Variants in DOP1B observed in about 807,000 individuals in gnomAD.
DOP1B encodes protein DOP1B.
Under a neutral mutation model 233.5 loss-of-function variants are expected in DOP1B, and 174 were observed. The ratio of observed to expected loss-of-function variants is 0.75; its 90% CI spans 0.66 to 0.85. The LOEUF is 0.85. Among genes scored for constraint, DOP1B ranks in the 40% least tolerant of loss-of-function variants. DOP1B has a pLI of 0.00. For synonymous variants in DOP1B, 1,190 were observed against 1,185.6 expected, an observed-to-expected ratio of 1.00 and a Z score of -0.08; for missense variants, 2,652 against 2,846.6, an observed-to-expected ratio of 0.93 and a Z score of 1.56.
chr21:36,259,800 A>C (rs1281324505), intron 23 of DOP1B, among the ~76,000 whole-genome samples: 1 of 152,218 alleles, frequency 6.6e-6, no homozygotes, highest in Non-Finnish European at 1.5e-5. Context: ...GCTATAAAGG[A>C]ACCGGATTTT....
chr21:36,271,835 A>C (rs536421652), intron 27 of DOP1B, among the ~76,000 whole-genome samples: 3 of 150,638 alleles, frequency 2.0e-5, no homozygotes, highest in African/African-American at 7.5e-5. Context: ...CTATGGAAAG[A>C]GAATTTAGCA....
rs760981613 is a variant in DOP1B at position 36,263,590 on chromosome 21, G to A, written c.5360G>A (p.Gly1787Glu). ...ALQENFSSLLGVLKESVQLNL... is the reference protein window; with the variant it reads ...ALQENFSSLLEVLKESVQLNL... The stretch of plus-strand genomic sequence containing the variant: ...CAAGAGAACTTTTCTTCACTGTTGG[G>A]AGTATTGAAAGAGTCTGTACAGTTG... The change falls in exon 25 of 37, where the codon GGA becomes GAA. Residue 1787 changes from glycine (G) to glutamate (E), a missense_variant. By Grantham distance (98) the Gly-to-Glu change is moderately conservative (BLOSUM62 -2). Coordinates refer to ENST00000691173, the MANE Select transcript of DOP1B (RefSeq NM_001320714.2). The A allele has an allele frequency of 3.1e-6, 5 of 1,614,064 alleles. No homozygotes were observed. The highest frequency in any genetic ancestry group is 1.6e-4 in the Middle Eastern group (1 of 6,084).
chr21:36,204,133 A>G (rs1168551086), intron 4 of DOP1B, among the ~76,000 whole-genome samples: 1 of 152,110 alleles, frequency 6.6e-6, no homozygotes, highest in Non-Finnish European at 1.5e-5. Flanking sequence ...GGCTGTCACA[A>G]CTGGGGGTGG....
chr21:36,177,163 G>A (rs185905436), intron 2 of DOP1B, among the ~76,000 whole-genome samples: 109 of 152,202 alleles, frequency 7.2e-4, no homozygotes, highest in African/African-American at 2.2e-3. Flanking sequence ...CTTTGCTGTC[G>A]TTCTGTTGTG....
chr21:36,248,820 C>A (rs996319132), intron 21 of DOP1B, among the ~76,000 whole-genome samples: 1 of 152,134 alleles, frequency 6.6e-6, no homozygotes, highest in Non-Finnish European at 1.5e-5. Flanking sequence ...AAAATAAAGT[C>A]TTGGCCGGGC....
At chr21:36,247,462 T>A in intron 19 of DOP1B, 55 bp from the exon 20 acceptor site, 1 of 1,332,268 alleles carries the variant, frequency 7.5e-7, no homozygotes, top group Non-Finnish European at 1.0e-6. Context: ...TTAGAAACCC[T>A]TATGGCCTCA....
At position 36,231,019 on chromosome 21, in the gene DOP1B, A is replaced by C. The variant is rs762133091; in HGVS notation, c.2235A>C (p.Glu745Asp). 3.7e-6 allele frequency: 6 copies of C among 1,614,156 alleles called. No individual in the cohort carries two copies. The Admixed American group carries it at 1.0e-4, about 27-fold the overall frequency. The change falls in exon 14 of 37, where the codon GAA becomes GAC. Residue 745 changes from glutamate (E) to aspartate (D), a missense_variant. By Grantham distance (45) the Glu-to-Asp change is conservative. Around this residue, in one of 3 missense-constraint regions of DOP1B, gnomAD observed 2,617 missense variants for 2,794.3 expected, o/e 0.94. Coordinates refer to ENST00000691173, the MANE Select transcript of DOP1B (RefSeq NM_001320714.2). ...VVIDLGGSREERREAFAAACH... is the reference protein window; with the variant it reads ...VVIDLGGSREDRREAFAAACH... ...TTGACCTGGGGGGTTCCAGGGAGGAACGCAGGGAGGCCTTTGCCGCCGCCT... is the reference window on the plus strand; with the variant it reads ...TTGACCTGGGGGGTTCCAGGGAGGACCGCAGGGAGGCCTTTGCCGCCGCCT...
chr21:36,251,055 C>T, intron 21 of DOP1B, 107 bp from the exon 22 acceptor site: 7 of 1,435,256 alleles, frequency 4.9e-6, no homozygotes, highest in Non-Finnish European at 6.5e-6. Context: ...TGGGCACAAA[C>T]ATGACAGGGT....
chr21:36,211,504 G>T, intron 5 of DOP1B, 49 bp from the exon 6 acceptor site: 1 of 1,553,312 alleles, frequency 6.4e-7, no homozygotes, highest in South Asian at 1.1e-5. Flanking sequence ...TCGTTTTTAT[G>T]ACCATAAAGA....
chr21:36,231,191 C>T (rs1431625057), intron 14 of DOP1B, 57 bp downstream of exon 14: 13 of 1,523,064 alleles, frequency 8.5e-6, no homozygotes, highest in Non-Finnish European at 9.7e-6. Context: ...AGGCGATTGA[C>T]GTGGGTGGAA....
At chr21:36,212,641 A>G (rs766432711) in intron 7 of DOP1B, among the ~76,000 whole-genome samples, 1 of 152,232 alleles carries the variant, frequency 6.6e-6, no homozygotes, top group Non-Finnish European at 1.5e-5. Context: ...AAGGCCTCCC[A>G]GGGACAGAGC....
Position 36,219,478 on chromosome 21 carries a change from A to G in DOP1B, c.1236A>G (p.Gly412=), listed in dbSNP as rs2066600099. The change falls in exon 10 of 37, where the codon GGA becomes GGG. Residue 412 remains glycine, a synonymous_variant. Coordinates refer to ENST00000691173, the MANE Select transcript of DOP1B (RefSeq NM_001320714.2). ...SDLKLSYTQS[G]NSLISAIKEN... ...TTAAACTTAGCTACACCCAGAGTGG[A>G]AATTCGCTGATAAGGTATGGGTTTG... 6.2e-7 allele frequency: 1 copy of G among 1,614,124 alleles called. No individual in the cohort carries two copies.
chr21:36,169,298 T>C, intron 2 of DOP1B: 2 of 793,904 alleles, frequency 2.5e-6, no homozygotes, highest in South Asian at 2.7e-5. Context: ...CGGTTTGCTG[T>C]CCTCAGTAAG....
intron 12 of DOP1B, among the ~76,000 whole-genome samples, chr21:36,227,350 A>G (rs535700592): frequency 6.6e-6 from 1 of 151,968 alleles, no homozygotes; most frequent in Admixed American, 6.6e-5. Context: ...GATCGAGACC[A>G]TCCTGGCTAA....
At chr21:36,281,044 C>T (rs201794582) in intron 31 of DOP1B, among the ~76,000 whole-genome samples, 65 of 152,222 alleles carry the variant, frequency 4.3e-4, no homozygotes, top group African/African-American at 1.4e-3. Flanking sequence ...CAGTGGCTCA[C>T]GCCAATCCCA....
chr21:36,210,289 A>C (rs1215693085), intron 5 of DOP1B, among the ~76,000 whole-genome samples: 2 of 151,932 alleles, frequency 1.3e-5, no homozygotes, highest in African/African-American at 4.8e-5. Context: ...CAGGTGAATC[A>C]CTTGAGGTCA....
At chr21:36,191,784 CA>C (rs35895174) in intron 2 of DOP1B, among the ~76,000 whole-genome samples, 33,193 of 133,590 alleles carry the variant, frequency 0.25, 3,913 homozygotes, top group African/African-American at 0.34. Context: ...GACTCTGTCT[CA>C]AAAAAAAAAA....
intron 2 of DOP1B, among the ~76,000 whole-genome samples, chr21:36,172,163 G>A (rs546441245): frequency 6.6e-6 from 1 of 152,150 alleles, no homozygotes; most frequent in Admixed American, 6.5e-5. Flanking sequence ...ATACAGCAGG[G>A]TCAGGCCACT....
intron 24 of DOP1B, among the ~76,000 whole-genome samples, chr21:36,262,221 G>A (rs1003027141): frequency 7.2e-5 from 11 of 152,176 alleles, no homozygotes; most frequent in African/African-American, 2.7e-4. Flanking sequence ...CTGTGACAGC[G>A]AATATATATT....
Sources: gnomAD v4.1 joint callset for allele counts (sites outside exome capture counted in the v4.1 genomes callset) on GRCh38, gnomAD v4.1.1 for gene constraint, gnomAD v4.1.1 regional missense constraint, MANE v1.5 for transcripts, NCBI Gene and HGNC (gene_info 2026-07-23, HGNC 2026-07-21) for gene names.